IFT122: variants seen among roughly 807,000 people sequenced by gnomAD.
IFT122 encodes the protein intraflagellar transport protein 122 homolog.
Under a neutral mutation model 161.6 loss-of-function variants are expected in IFT122, and 118 were observed. The ratio of observed to expected loss-of-function variants is 0.73; its 90% CI spans 0.63 to 0.85. The LOEUF (loss-of-function observed/expected upper bound fraction) is 0.85, where lower values mean the gene tolerates loss of function less well. Among genes scored for constraint, IFT122 ranks in the 40% least tolerant of loss-of-function variants. The pLI, the probability that IFT122 is intolerant of heterozygous loss-of-function variation, is 0.00. For missense variants in IFT122, 1,381 were observed against 1,579.6 expected, an observed-to-expected ratio of 0.87 and a Z score of 2.13; for synonymous variants, 550 against 602.4, an observed-to-expected ratio of 0.91 and a Z score of 1.27.
chr3:129,468,268 G>T (rs1033093325), intron 8 of IFT122, among the ~76,000 whole-genome samples: 2 of 152,160 alleles, frequency 1.3e-5, no homozygotes, highest in Non-Finnish European at 2.9e-5. Context: ...AAGACACTGG[G>T]ATCAGAAAAG....
chr3:129,459,715 TCC>T, intron 4 of IFT122, among the ~76,000 whole-genome samples: 1 of 106,900 alleles, frequency 9.4e-6, no homozygotes, highest in South Asian at 3.8e-4. Context: ...CTTCCTTCCT[TCC>T]TTCCTTCCTT....
intron 15 of IFT122, among the ~76,000 whole-genome samples, chr3:129,486,402 C>T (rs2079286836): frequency 6.6e-6 from 1 of 152,146 alleles, no homozygotes; most frequent in African/African-American, 2.4e-5. Flanking sequence ...TTTCGTCAAG[C>T]CAAATTTCTA....
chr3:129,520,144 T>C, intron 29 of IFT122, 32 bp from the exon 30 acceptor site: 1 of 1,574,616 alleles, frequency 6.4e-7, no homozygotes, highest in South Asian at 1.1e-5. Flanking sequence ...GCACTAGGGC[T>C]TCAGCCTGGT....
chr3:129,467,448 A>G (rs1432227939), intron 8 of IFT122, among the ~76,000 whole-genome samples: 1 of 152,112 alleles, frequency 6.6e-6, no homozygotes. Flanking sequence ...TTCCAGTAAC[A>G]TTACAAATCC....
chr3:129,515,748 A>G (rs547564658), intron 26 of IFT122, 149 bp downstream of exon 26: 33 of 744,482 alleles, frequency 4.4e-5, no homozygotes, highest in South Asian at 6.0e-5. Context: ...ACGCCCACCT[A>G]CCTGACACAA....
chr3:129,517,268 G>GCGCGCGCGCGCGCGCACA (rs1553776447), intron 26 of IFT122, among the ~76,000 whole-genome samples: 11 of 117,122 alleles, frequency 9.4e-5, no homozygotes, highest in African/African-American at 3.6e-4. Context: ...CATTGCTCCT[G>GCGCGCGCGCGCGCGCACA]CACACACACA....
intron 22 of IFT122, among the ~76,000 whole-genome samples, chr3:129,507,047 A>G (rs138770833): frequency 6.6e-6 from 1 of 152,292 alleles, no homozygotes; most frequent in Non-Finnish European, 1.5e-5. Flanking sequence ...GGCCACATGC[A>G]GGGGTGGGAA....
intron 15 of IFT122, chr3:129,487,981 CA>C: frequency 1.9e-6 from 1 of 515,582 alleles, no homozygotes. Context: ...GTGAGGGTGA[CA>C]TCCTATGGCG....
intron 21 of IFT122, among the ~76,000 whole-genome samples, chr3:129,505,712 G>A (rs890372356): frequency 2.0e-5 from 3 of 152,230 alleles, no homozygotes; most frequent in Non-Finnish European, 2.9e-5. Flanking sequence ...GGCTGGCCAC[G>A]TAGTAGGTAC....
intron 23 of IFT122, among the ~76,000 whole-genome samples, chr3:129,508,638 GAAAT>G (rs1278454908): frequency 6.6e-6 from 1 of 152,152 alleles, no homozygotes; most frequent in Non-Finnish European, 1.5e-5. Flanking sequence ...TTGCCAATGA[GAAAT>G]AAGTCTGTTT....
chr3:129,513,384 CTTG>C (rs1215820121), intron 24 of IFT122: 1 of 152,244 alleles, frequency 6.6e-6, no homozygotes. Context: ...CCCAGAGCTC[CTTG>C]TTGTAAGAAT....
intron 8 of IFT122, among the ~76,000 whole-genome samples, chr3:129,467,988 A>T (rs1413786855): frequency 6.6e-6 from 1 of 152,214 alleles, no homozygotes; most frequent in Non-Finnish European, 1.5e-5. Context: ...TCCATCTCAC[A>T]GGGACTGAGC....
At chr3:129,445,372 AT>A (rs1209876121) in intron 1 of IFT122, among the ~76,000 whole-genome samples, 1 of 152,190 alleles carries the variant, frequency 6.6e-6, no homozygotes, top group Non-Finnish European at 1.5e-5. Context: ...CTTGGTTTGA[AT>A]CCTGGCTCCA....
At chr3:129,491,581 C>T (rs1405395879) in intron 16 of IFT122, among the ~76,000 whole-genome samples, 1 of 152,088 alleles carries the variant, frequency 6.6e-6, no homozygotes, top group Non-Finnish European at 1.5e-5. Flanking sequence ...GGGATTCATT[C>T]CCTACCCCTC....
chr3:129,494,220 T>G (rs12638398), intron 17 of IFT122, among the ~76,000 whole-genome samples: 12,104 of 151,956 alleles, frequency 0.08, 1,292 homozygotes, highest in East Asian at 0.41. Context: ...TTGTTTGTTT[T>G]TTTTTTGCAG....
At chr3:129,480,321 C>T (rs775676305) in intron 13 of IFT122, among the ~76,000 whole-genome samples, 1 of 152,142 alleles carries the variant, frequency 6.6e-6, no homozygotes, top group Non-Finnish European at 1.5e-5. Flanking sequence ...AGCATGTGTC[C>T]TAAAGAATGC....
At chr3:129,519,492 C>G (rs994721085) in intron 28 of IFT122, 76 bp from the exon 29 acceptor site, 2 of 1,588,064 alleles carry the variant, frequency 1.3e-6, no homozygotes, top group African/African-American at 2.7e-5. Context: ...GCCAAAGATT[C>G]CAGGATCATA....
chr3:129,504,190 A>G (rs935056140), intron 20 of IFT122, 129 bp from the exon 21 acceptor site: 37 of 741,618 alleles, frequency 5.0e-5, no homozygotes, highest in Non-Finnish European at 8.5e-5. Context: ...TTTTTGGGGG[A>G]GGCACTCTCC....
chr3:129,514,800 C>G lies in IFT122; in HGVS notation c.3153+246C>G. On this transcript the variant is annotated intron_variant, in intron 25 of 29. Coordinates refer to ENST00000348417, the MANE Select transcript of IFT122 (RefSeq NM_052989.3). ...CCGGCCTCAGCCCTCAGCCTGGCCT[C>G]CCTTGCTCCTTGCCCTCCCCTAGGC... The G allele has an allele frequency of 5.0e-6, 3 of 600,094 alleles. No individual in the cohort carries two copies. The South Asian group carries it at 5.7e-5, about 11-fold the overall frequency. 37.2% of individuals were successfully genotyped at this position (600,094 alleles called of 1,614,324 possible).
Sources: allele counts gnomAD v4.1 joint callset (sites outside exome capture counted in the v4.1 genomes callset), GRCh38; gene constraint gnomAD v4.1.1; transcripts MANE v1.5; gene names NCBI Gene and HGNC (gene_info 2026-07-23, HGNC 2026-07-21).